The following EXOC4 variants were observed in gnomAD, a reference collection of about 807,000 sequenced individuals.
EXOC4 encodes the protein exocyst complex component 4.
A neutral mutation model predicts 107.2 loss-of-function variants in EXOC4; 71 were observed. That is an observed-to-expected ratio of 0.66 (90% CI 0.55 to 0.81). The LOEUF (loss-of-function observed/expected upper bound fraction) is 0.81, where lower values mean the gene tolerates loss of function less well. Ranked by LOEUF, EXOC4 falls within the 30% of genes least tolerant of loss-of-function variation. The probability of loss-of-function intolerance (pLI) is 0.00; values close to 1 mark genes in which losing one functional copy is unlikely to be tolerated. For missense variants in EXOC4, 1,108 were observed against 1,189.6 expected (o/e 0.93, Z 1.01); for synonymous variants, 456 against 441.2 (o/e 1.03, Z -0.42).
chr7:134,092,922 C>CAAAAAAAAAA, the EXOC4 span, among the ~76,000 whole-genome samples: 8,303 of 78,386 alleles, frequency 0.11, 354 homozygotes, highest in East Asian at 0.15. Context: ...GACTCCATCT[C>CAAAAAAAAAA]AAAAAAAAAA....
chr7:134,089,839 G>A, the EXOC4 span, among the ~76,000 whole-genome samples: 3 of 152,020 alleles, frequency 2.0e-5, no homozygotes, highest in Non-Finnish European at 4.4e-5. Context: ...ATGGGGTATG[G>A]CTAATTCCAC....
chr7:133,255,682 T>G (rs551942153), intron 1 of EXOC4, among the ~76,000 whole-genome samples: 1 of 152,300 alleles, frequency 6.6e-6, no homozygotes, highest in Non-Finnish European at 1.5e-5. Context: ...CAGGGAGATT[T>G]TGGTGTTGGA....
At chr7:134,068,454 T>C (rs1796215780), downstream of EXOC4, among the ~76,000 whole-genome samples, 1 of 152,156 alleles carries the variant, frequency 6.6e-6, no homozygotes, top group Non-Finnish European at 1.5e-5. Context: ...GTGACTTTGC[T>C]CCTCCTTCAC....
chr7:133,896,709 A>G (rs1453797488), intron 12 of EXOC4, among the ~76,000 whole-genome samples: 1 of 149,254 alleles, frequency 6.7e-6, no homozygotes, highest in Non-Finnish European at 1.5e-5. Context: ...CTCTGTTGCC[A>G]GGCTGGAGTG....
At chr7:134,100,751 C>A in the EXOC4 span, among the ~76,000 whole-genome samples, 10 of 129,660 alleles carry the variant, frequency 7.7e-5, 2 homozygotes, top group Non-Finnish European at 1.7e-4. Context: ...AGAGAGTATC[C>A]TGGCCAACAT....
chr7:133,591,422 C>T (rs531944265), intron 9 of EXOC4, among the ~76,000 whole-genome samples: 137 of 152,198 alleles, frequency 9.0e-4, no homozygotes, highest in Non-Finnish European at 1.4e-3. Flanking sequence ...GATGTTTTAT[C>T]CTTTTTAGTG....
intron 4 of EXOC4, among the ~76,000 whole-genome samples, chr7:133,315,597 T>A (rs1295590619): frequency 6.6e-6 from 1 of 152,090 alleles, no homozygotes; most frequent in Admixed American, 6.6e-5. Context: ...AATGGACAAA[T>A]CTATTATCTA....
intron 12 of EXOC4, among the ~76,000 whole-genome samples, chr7:133,913,682 C>G (rs1035771283): frequency 2.0e-5 from 3 of 152,116 alleles, no homozygotes; most frequent in Non-Finnish European, 4.4e-5. Flanking sequence ...CCTCTTGACT[C>G]ATTTTAACTT....
At chr7:133,407,543 AG>A (rs1797250053) in intron 7 of EXOC4, among the ~76,000 whole-genome samples, 1 of 152,206 alleles carries the variant, frequency 6.6e-6, no homozygotes, top group Non-Finnish European at 1.5e-5. Context: ...AGGTAAAAGA[AG>A]GGGATATCAG....
At chr7:133,619,147 G>A (rs1056319225) in intron 9 of EXOC4, among the ~76,000 whole-genome samples, 1 of 152,144 alleles carries the variant, frequency 6.6e-6, no homozygotes, top group African/African-American at 2.4e-5. Flanking sequence ...AAATAATGCT[G>A]TTTCTGTTTA....
At chr7:133,500,832 A>G (rs1799561620) in intron 9 of EXOC4, among the ~76,000 whole-genome samples, 1 of 152,164 alleles carries the variant, frequency 6.6e-6, no homozygotes. Flanking sequence ...ATGGTGGTTT[A>G]TATTTAATAT....
chr7:133,800,598 T>C (rs966858680), intron 10 of EXOC4, among the ~76,000 whole-genome samples: 3 of 152,234 alleles, frequency 2.0e-5, no homozygotes, highest in African/African-American at 7.2e-5. Flanking sequence ...TTTTCAGTCC[T>C]CTGATGATAG....
intron 17 of EXOC4, among the ~76,000 whole-genome samples, chr7:134,037,231 C>T (rs1401314368): frequency 6.6e-6 from 1 of 152,152 alleles, no homozygotes; most frequent in Non-Finnish European, 1.5e-5. Context: ...TTTTCTCAAT[C>T]AAAGACTGCA....
intron 9 of EXOC4, among the ~76,000 whole-genome samples, chr7:133,623,747 G>A (rs1802387668): frequency 6.6e-6 from 1 of 152,096 alleles, no homozygotes; most frequent in Non-Finnish European, 1.5e-5. Context: ...TTGAGGGCAA[G>A]GATAAGTATT....
intron 7 of EXOC4, among the ~76,000 whole-genome samples, chr7:133,413,817 T>A (rs766366027): frequency 6.6e-6 from 1 of 152,128 alleles, no homozygotes; most frequent in Non-Finnish European, 1.5e-5. Flanking sequence ...TCATATACTT[T>A]CCTGGTTTGG....
In EXOC4 at chr7:133,471,648, C is replaced by T. The variant is rs548673821; in HGVS notation, c.1183-3680C>T. On this transcript the variant is annotated intron_variant, in intron 7 of 17. Coordinates refer to ENST00000253861, the MANE Select transcript of EXOC4 (RefSeq NM_021807.4). ...GTACTGAGGATTAATTTACAGAGTT[C>T]ATTCTACTTTGAAGACTTTTTAATT... 4.6e-5 allele frequency among the ~76,000 whole-genome samples: 7 copies of T among 152,186 alleles called. No individual in the cohort carries two copies. The South Asian group carries it at 1.5e-3, about 32-fold the overall frequency.
At chr7:133,917,126 C>T (rs570457107) in intron 12 of EXOC4, among the ~76,000 whole-genome samples, 1 of 152,296 alleles carries the variant, frequency 6.6e-6, no homozygotes, top group Non-Finnish European at 1.5e-5. Flanking sequence ...GCAATACCCT[C>T]AACTAGAACT....
At chr7:133,400,027 A>G (rs775488049) in intron 7 of EXOC4, among the ~76,000 whole-genome samples, 1 of 152,236 alleles carries the variant, frequency 6.6e-6, no homozygotes, top group South Asian at 2.1e-4. Flanking sequence ...TGTGTTAGGC[A>G]CAATGCTCAG....
chr7:133,930,622 T>C (rs777570683), intron 13 of EXOC4: 1 of 152,068 alleles, frequency 6.6e-6, no homozygotes, highest in African/African-American at 2.4e-5. Flanking sequence ...ACCCTGGGAC[T>C]GAGCCTTGGG....
Sources: allele counts gnomAD v4.1 joint callset (sites outside exome capture counted in the v4.1 genomes callset), GRCh38; gene constraint gnomAD v4.1.1; transcripts MANE v1.5; gene names NCBI Gene and HGNC (gene_info 2026-07-23, HGNC 2026-07-21).